The following PARD3B variants were observed in gnomAD, a reference collection of about 807,000 sequenced individuals.
PARD3B encodes the protein par-3 family cell polarity regulator beta, also known as partitioning defective 3 homolog B.
Under a neutral mutation model 130.2 loss-of-function variants are expected in PARD3B, and 103 were observed. The ratio of observed to expected loss-of-function variants is 0.79; its 90% CI spans 0.67 to 0.93. The LOEUF is 0.93. PARD3B is among the 40% of genes least tolerant of loss of function. The probability of loss-of-function intolerance (pLI) is 0.00; values close to 1 mark genes in which losing one functional copy is unlikely to be tolerated. For synonymous variants in PARD3B, 583 were observed against 553.2 expected (o/e 1.05, Z -0.76); for missense variants, 1,609 against 1,499.2 (o/e 1.07, Z -1.21).
At chr2:205,487,416 A>G (rs1574544) in intron 20 of PARD3B, among the ~76,000 whole-genome samples, 72,768 of 151,950 alleles carry the variant, frequency 0.48, 19,897 homozygotes, top group Middle Eastern at 0.69. Context: ...ACTTTTCACT[A>G]TGCACTATCC....
At chr2:205,245,949 C>T (rs1361358083) in intron 16 of PARD3B, 127 bp downstream of exon 16, 3 of 711,360 alleles carry the variant, frequency 4.2e-6, no homozygotes, top group Non-Finnish European at 7.4e-6. Flanking sequence ...CATGAGATGT[C>T]TCTGACTTCC....
intron 18 of PARD3B, among the ~76,000 whole-genome samples, chr2:205,395,930 G>A (rs79305811): frequency 0.043 from 6,515 of 152,200 alleles, 207 homozygotes; most frequent in Non-Finnish European, 0.063. Flanking sequence ...ACTGAGAAAT[G>A]ACCTCCCATC....
intron 21 of PARD3B, among the ~76,000 whole-genome samples, chr2:205,526,117 C>T (rs2051325152): frequency 6.6e-6 from 1 of 152,214 alleles, no homozygotes; most frequent in African/African-American, 2.4e-5. Flanking sequence ...GACCCAACTG[C>T]TTGACAACTG....
chr2:205,531,658 C>T (rs1460207201), intron 21 of PARD3B, among the ~76,000 whole-genome samples: 2 of 151,972 alleles, frequency 1.3e-5, no homozygotes, highest in Admixed American at 6.6e-5. Context: ...GGCACCGAGA[C>T]ACAGGAGAGA....
chr2:204,713,080 C>T (rs2038534994), intron 2 of PARD3B, among the ~76,000 whole-genome samples: 1 of 151,980 alleles, frequency 6.6e-6, no homozygotes, highest in South Asian at 2.1e-4. Flanking sequence ...ACTTATTAAT[C>T]CTGATTTTTG....
At chr2:204,590,724 A>G (rs941972318) in intron 1 of PARD3B, among the ~76,000 whole-genome samples, 2 of 152,248 alleles carry the variant, frequency 1.3e-5, no homozygotes, top group African/African-American at 4.8e-5. Context: ...TAGAAGGACT[A>G]GGACTCAGGC....
At position 205,125,851 on chromosome 2, in the gene PARD3B, A is replaced by G; in HGVS notation, c.1434+114A>G. ...ATCACAGGCTTCATTCATAACCAAAATTGAATCACACTCAGGGTATTTTAC... is the reference window on the plus strand; with the variant it reads ...ATCACAGGCTTCATTCATAACCAAAGTTGAATCACACTCAGGGTATTTTAC... On this transcript the variant is annotated intron_variant, in intron 10 of 22. Coordinates refer to ENST00000406610, the MANE Select transcript of PARD3B (RefSeq NM_001302769.2). This position sits in a 1 kb window ranked among gnomAD's most constrained non-coding sequence, Gnocchi z 4.0. The G allele has an allele frequency of 1.4e-6, 2 of 1,380,882 alleles. No individual in the cohort carries two copies. The highest frequency in any genetic ancestry group is 2.0e-6 in the Non-Finnish European group (2 of 1,013,496). 85.5% of individuals were successfully genotyped at this position (1,380,882 alleles called of 1,614,324 possible).
rs556240773 is a variant in PARD3B, at chr2:205,187,003, C to T, written c.2024+1140C>T. Among the ~76,000 whole-genome samples, 1 of 152,202 alleles carries T rather than the reference C, an allele frequency of 6.6e-6. No homozygotes were observed. Among genetic ancestry groups the T allele is most frequent in the South Asian group, 2.1e-4 (1 of 4,822 alleles). On this transcript the variant is annotated intron_variant, in intron 14 of 22. Transcript: ENST00000406610. The surrounding 1 kb of genome is among the most constrained non-coding windows in gnomAD (Gnocchi z 4.9). ...GTGCAAAGCTGAATCAGATATAAAC[C>T]CTGTCTTCAGGAAGCTGGTAGGCTG...
In PARD3B at chr2:205,241,620, C is replaced by A. The variant is rs1236615281; in HGVS notation, c.2141-4158C>A. Among the ~76,000 whole-genome samples the A allele has an allele frequency of 6.6e-6, 1 of 152,110 alleles. No homozygotes were observed. Among genetic ancestry groups the A allele is most frequent in the Non-Finnish European group, 1.5e-5 (1 of 67,958 alleles). On this transcript the variant is annotated intron_variant, in intron 15 of 22. Transcript: ENST00000406610. This position sits in a 1 kb window ranked among gnomAD's most constrained non-coding sequence, Gnocchi z 4.2. ...AGAAGAAAGAAAAGGAGAAAAAATTCTGTCATCAGAACGAGAACAAGAAAC... is the reference window on the plus strand; with the variant it reads ...AGAAGAAAGAAAAGGAGAAAAAATTATGTCATCAGAACGAGAACAAGAAAC...
intron 1 of PARD3B, among the ~76,000 whole-genome samples, chr2:204,682,887 G>T (rs973536064): frequency 7.2e-5 from 11 of 152,104 alleles, no homozygotes; most frequent in African/African-American, 2.7e-4. Flanking sequence ...CATGGTTAAT[G>T]TAAATTTTCT....
intron 4 of PARD3B, among the ~76,000 whole-genome samples, chr2:205,089,265 A>G (rs1575749864): frequency 6.7e-6 from 1 of 148,660 alleles, no homozygotes; most frequent in East Asian, 2.0e-4. Context: ...CCGCCTCCAG[A>G]GTTCAAGCGA....
At chr2:204,985,433 A>G (rs1215000857) in intron 3 of PARD3B, among the ~76,000 whole-genome samples, 3 of 152,216 alleles carry the variant, frequency 2.0e-5, no homozygotes, top group African/African-American at 4.8e-5. Flanking sequence ...AATTGGCTAT[A>G]TCAGAATGTG....
intron 2 of PARD3B, among the ~76,000 whole-genome samples, chr2:204,758,967 C>T (rs1010424621): frequency 2.2e-4 from 34 of 152,168 alleles, no homozygotes; most frequent in Non-Finnish European, 2.6e-4. Context: ...GTTTCTTATT[C>T]ATATCTCATA....
intron 18 of PARD3B, among the ~76,000 whole-genome samples, chr2:205,371,077 T>A (rs865817074): frequency 3.3e-5 from 5 of 152,352 alleles, no homozygotes; most frequent in Non-Finnish European, 7.3e-5. Context: ...CTTGACATCC[T>A]TAGTCATGGA....
intron 2 of PARD3B, among the ~76,000 whole-genome samples, chr2:204,803,737 A>G (rs956431216): frequency 2.0e-5 from 3 of 152,184 alleles, no homozygotes; most frequent in Non-Finnish European, 4.4e-5. Flanking sequence ...TGAAATTAAA[A>G]TATACTTCCA....
At chr2:205,194,950 ATTT>A (rs56836818) in intron 15 of PARD3B, among the ~76,000 whole-genome samples, 28 of 111,218 alleles carry the variant, frequency 2.5e-4, no homozygotes, top group Admixed American at 9.5e-4. Flanking sequence ...CGCCAGGCTA[ATTT>A]TTTTTTTTTT....
intron 2 of PARD3B, among the ~76,000 whole-genome samples, chr2:204,894,379 T>C (rs1006418942): frequency 1.3e-5 from 2 of 152,020 alleles, no homozygotes; most frequent in African/African-American, 4.8e-5. Context: ...CTGGAATATG[T>C]TAAATCTCAT....
intron 3 of PARD3B, among the ~76,000 whole-genome samples, chr2:205,013,360 T>G (rs949094618): frequency 2.0e-5 from 3 of 148,408 alleles, no homozygotes; most frequent in East Asian, 1.9e-4. Context: ...TTTAAAATTG[T>G]TTTTTTTCCC....
chr2:204,951,843 T>C (rs985464746), intron 2 of PARD3B, among the ~76,000 whole-genome samples: 2 of 152,146 alleles, frequency 1.3e-5, no homozygotes, highest in Non-Finnish European at 2.9e-5. Flanking sequence ...AAGAGGACTT[T>C]GGTGAGAGTC....
Sources: gnomAD v4.1 joint callset for allele counts (sites outside exome capture counted in the v4.1 genomes callset) on GRCh38, gnomAD v4.1.1 for gene constraint, Gnocchi (gnomAD v3.1) non-coding constraint, MANE v1.5 for transcripts, NCBI Gene and HGNC (gene_info 2026-07-23, HGNC 2026-07-21) for gene names.